WWC2: variants seen among roughly 807,000 people sequenced by gnomAD.
WWC2 encodes protein WWC2.
A neutral mutation model predicts 138.5 loss-of-function variants in WWC2; 101 were observed. The observed-to-expected ratio is 0.73, with a 90% confidence interval of 0.62 to 0.86. The LOEUF is 0.86. Among genes scored for constraint, WWC2 ranks in the 40% least tolerant of loss-of-function variants. The pLI, the probability that WWC2 is intolerant of heterozygous loss-of-function variation, is 0.00. For synonymous variants in WWC2, 558 were observed against 538.4 expected (o/e 1.04, Z -0.50); for missense variants, 1,420 against 1,419.4 (o/e 1.00, Z -0.01).
At chr4:183,105,876 C>T (rs1423788442) in intron 1 of WWC2, among the ~76,000 whole-genome samples, 3 of 145,308 alleles carry the variant, frequency 2.1e-5, no homozygotes, top group Non-Finnish European at 3.0e-5. Flanking sequence ...GGTGACAGAA[C>T]GGGACTCTGT....
chr4:183,125,168 T>A (rs1276790345), intron 1 of WWC2, among the ~76,000 whole-genome samples: 1 of 152,162 alleles, frequency 6.6e-6, no homozygotes, highest in Non-Finnish European at 1.5e-5. Context: ...TTATATCAAA[T>A]AAGGCTTGTT....
Position 183,320,308 on chromosome 4 carries a change from C to T in WWC2, c.*4579C>T. The T allele has an allele frequency of 8.3e-7, 1 of 1,205,046 alleles. No homozygotes were observed. Among genetic ancestry groups the T allele is most frequent in the Non-Finnish European group, 1.2e-6 (1 of 850,300 alleles). The allele number at this position is 1,205,046 out of a possible 1,614,324, so 74.6% of individuals were successfully genotyped here. A position where few individuals can be genotyped will look rare whatever the true frequency, so the allele number is the denominator to read the frequency against. On this transcript the variant is annotated 3_prime_UTR_variant, in exon 23 of 23. Transcript: ENST00000403733. ...GACACTTGTGTTATAACTTATGAAACTCAGAAATATTTCTTCATTGTGTAT... is the reference window on the plus strand; with the variant it reads ...GACACTTGTGTTATAACTTATGAAATTCAGAAATATTTCTTCATTGTGTAT...
rs1298039585 is a variant in WWC2 at position 183,315,764 on chromosome 4, C to T, written c.*35C>T. On this transcript the variant is annotated 3_prime_UTR_variant, in exon 23 of 23. Transcript: ENST00000403733. ...TTAAGAAATTATTTTTTCATCTGTTCACTTTCTTAGGGAGGGTAAAAGACT... is the reference window on the plus strand; with the variant it reads ...TTAAGAAATTATTTTTTCATCTGTTTACTTTCTTAGGGAGGGTAAAAGACT... The T allele has an allele frequency of 6.4e-7, 1 of 1,565,600 alleles. No individual in the cohort carries two copies. The highest frequency in any genetic ancestry group is 1.7e-5 in the Admixed American group (1 of 57,690).
intron 4 of WWC2, among the ~76,000 whole-genome samples, chr4:183,209,929 G>T (rs1735550596): frequency 6.6e-6 from 1 of 152,120 alleles, no homozygotes; most frequent in South Asian, 2.1e-4. Flanking sequence ...CATTAAGGTG[G>T]TACTAGCCTC....
intron 1 of WWC2, among the ~76,000 whole-genome samples, chr4:183,142,609 G>C (rs983180857): frequency 2.0e-5 from 3 of 152,202 alleles, no homozygotes; most frequent in Non-Finnish European, 2.9e-5. Context: ...TTCTTTTAGA[G>C]AATATATTTG....
chr4:183,263,808 A>C (rs1383292802), intron 11 of WWC2, among the ~76,000 whole-genome samples: 1 of 152,106 alleles, frequency 6.6e-6, no homozygotes, highest in African/African-American at 2.4e-5. Context: ...ACTTTTTTTC[A>C]GGGGACGTCT....
intron 4 of WWC2, among the ~76,000 whole-genome samples, chr4:183,225,144 G>A (rs73870374): frequency 0.064 from 9,806 of 152,162 alleles, 1,061 homozygotes; most frequent in African/African-American, 0.22. Context: ...TACAGACCAT[G>A]CTCTATATGC....
intron 1 of WWC2, among the ~76,000 whole-genome samples, chr4:183,123,372 A>G (rs1225354019): frequency 1.3e-5 from 2 of 150,764 alleles, no homozygotes; most frequent in Admixed American, 6.6e-5. Context: ...AATCTCAGTG[A>G]CAGTGTTTAG....
intron 16 of WWC2, among the ~76,000 whole-genome samples, chr4:183,279,065 A>G (rs1737972528): frequency 6.6e-6 from 1 of 152,096 alleles, no homozygotes; most frequent in African/African-American, 2.4e-5. Context: ...CCAGTTTTCA[A>G]AGGGAATGCT....
chr4:183,174,603 T>C (rs996051796), intron 1 of WWC2, among the ~76,000 whole-genome samples: 1 of 152,232 alleles, frequency 6.6e-6, no homozygotes, highest in Non-Finnish European at 1.5e-5. Context: ...ATTAAATCTG[T>C]GTAGTGTTTA....
At chr4:183,239,506 A>T (rs916725430) in intron 4 of WWC2, among the ~76,000 whole-genome samples, 4 of 152,226 alleles carry the variant, frequency 2.6e-5, no homozygotes, top group Non-Finnish European at 5.9e-5. Flanking sequence ...AATATATTTT[A>T]TCAGTTTGAC....
At chr4:183,229,239 A>G (rs1736168260) in intron 4 of WWC2, among the ~76,000 whole-genome samples, 1 of 152,114 alleles carries the variant, frequency 6.6e-6, no homozygotes, top group South Asian at 2.1e-4. Flanking sequence ...TGGAAGCTAC[A>G]TAATTTGGAA....
At chr4:183,250,581 T>C (rs1736947796) in intron 8 of WWC2, among the ~76,000 whole-genome samples, 1 of 152,050 alleles carries the variant, frequency 6.6e-6, no homozygotes, top group South Asian at 2.1e-4. Context: ...GAGTGAGACA[T>C]AAGAAACTTC....
At chr4:183,235,979 A>T (rs1736411940) in intron 4 of WWC2, among the ~76,000 whole-genome samples, 1 of 152,210 alleles carries the variant, frequency 6.6e-6, no homozygotes, top group Non-Finnish European at 1.5e-5. Flanking sequence ...TTATTTCTAA[A>T]TGGGTTCAAT....
At chr4:183,267,820 C>T (rs1366480756) in intron 14 of WWC2, among the ~76,000 whole-genome samples, 1 of 152,158 alleles carries the variant, frequency 6.6e-6, no homozygotes, top group Non-Finnish European at 1.5e-5. Flanking sequence ...AGCAATCTTT[C>T]CTTAAACCCA....
intron 1 of WWC2, among the ~76,000 whole-genome samples, chr4:183,138,616 A>G (rs1733195565): frequency 6.6e-6 from 1 of 152,210 alleles, no homozygotes; most frequent in Non-Finnish European, 1.5e-5. Flanking sequence ...TCCTTTATAT[A>G]AAACTTTGCT....
chr4:183,171,326 A>G (rs1734272597), intron 1 of WWC2, among the ~76,000 whole-genome samples: 1 of 152,216 alleles, frequency 6.6e-6, no homozygotes, highest in South Asian at 2.1e-4. Flanking sequence ...GGATTTCCAA[A>G]TGAAAACTGG....
chr4:183,123,188 G>A (rs2111052184), intron 1 of WWC2, among the ~76,000 whole-genome samples: 1 of 152,298 alleles, frequency 6.6e-6, no homozygotes, highest in South Asian at 2.1e-4. Context: ...ACTCTTGCAT[G>A]TATGTTCAAG....
rs1381881539 is a variant in WWC2 at position 183,317,464 on chromosome 4, A to G, written c.*1735A>G. ...CCTTTAAGGCTGCCCAGTTCATTCT[A>G]TTAGATGACTAAGGAAAACTAGAAA... On this transcript the variant is annotated 3_prime_UTR_variant, in exon 23 of 23. Transcript: ENST00000403733. 1.3e-5 allele frequency: 2 copies of G among 152,656 alleles called. No homozygotes were observed. The highest frequency in any genetic ancestry group is 2.9e-5 in the Non-Finnish European group (2 of 68,038). 9.5% of individuals were successfully genotyped at this position (152,656 alleles called of 1,614,324 possible).
Sources: gnomAD v4.1 joint callset for allele counts (sites outside exome capture counted in the v4.1 genomes callset) on GRCh38, gnomAD v4.1.1 for gene constraint, MANE v1.5 for transcripts, NCBI Gene and HGNC (gene_info 2026-07-23, HGNC 2026-07-21) for gene names.